The following BMPR2 variants were observed in gnomAD, a reference collection of about 807,000 sequenced individuals.
BMPR2 encodes bone morphogenetic protein receptor type-2.
In BMPR2, 29 loss-of-function variants were observed where a neutral mutation model predicts 100.8. The observed-to-expected ratio is 0.29, with a 90% CI of 0.21 to 0.39. The LOEUF (loss-of-function observed/expected upper bound fraction) is 0.39. Among genes scored for constraint, BMPR2 ranks in the 10% least tolerant of loss-of-function variants. BMPR2 has a pLI of 1.00. For synonymous variants in BMPR2, 382 were observed against 442.3 expected (o/e 0.86, Z 1.71); for missense variants, 1,011 against 1,274.5 (o/e 0.79, Z 3.15).
chr2:202,495,981 T>A lies in BMPR2; in HGVS notation c.419-17738T>A, dbSNP rs1407441300. 6.6e-6 allele frequency among the ~76,000 whole-genome samples: 1 copy of A among 152,202 alleles called. No homozygotes were observed. The highest frequency in any genetic ancestry group is 1.5e-5 in the Non-Finnish European group (1 of 68,032). ...GATCACTTATTTTTATTTTATAGTTTAATGTATTTTAGTAACAAACAGGAA... is the reference window on the plus strand; with the variant it reads ...GATCACTTATTTTTATTTTATAGTTAAATGTATTTTAGTAACAAACAGGAA... On this transcript the variant is annotated intron_variant, in intron 3 of 12. Transcript: ENST00000374580. This position sits in a 1 kb window ranked among gnomAD's most constrained non-coding sequence, Gnocchi z 4.5.
intron 3 of BMPR2, among the ~76,000 whole-genome samples, chr2:202,492,281 T>C (rs1692917778): frequency 1.3e-5 from 2 of 152,136 alleles, no homozygotes; most frequent in Admixed American, 6.5e-5. Context: ...AAGTGTTTGC[T>C]TCATCATGAT....
intron 7 of BMPR2, among the ~76,000 whole-genome samples, chr2:202,528,198 T>G (rs551247984): frequency 1.4e-4 from 21 of 152,270 alleles, no homozygotes; most frequent in Non-Finnish European, 1.8e-4. Flanking sequence ...ATTTATTTAT[T>G]TACTTTTGAG....
intron 3 of BMPR2, among the ~76,000 whole-genome samples, chr2:202,481,616 T>C (rs1428129240): frequency 1.3e-5 from 2 of 152,250 alleles, no homozygotes; most frequent in Non-Finnish European, 1.5e-5. Flanking sequence ...ATATTAACAA[T>C]AGAAAGTCTC....
At position 202,556,310 on chromosome 2, in the gene BMPR2, G is replaced by A. The variant is rs777302843; in HGVS notation, c.2645G>A (p.Gly882Asp). Residue 882 changes from glycine (G) to aspartate (D), a missense_variant, in exon 12 of 13, where the codon GGT (glycine) becomes GAT (aspartate). By Grantham distance (94) the Gly-to-Asp change is moderately conservative. Around this residue, in one of 6 missense-constraint regions of BMPR2, gnomAD observed 508 missense variants for 552.0 expected, o/e 0.92. Transcript: ENST00000374580. The part of the protein sequence containing the change: ...RREQQAGHDE[G>D]VLDRLVDRRE... ...GAGCAACAAGCTGGCCATGATGAAG[G>A]TGTTCTGGATCGTCTTGTGGACAGG... is the stretch of plus-strand genomic sequence containing the variant. The A allele has an allele frequency of 3.8e-5, 62 of 1,614,228 alleles. 2 individuals are homozygous for A. The South Asian group carries it at 6.6e-4, about 17-fold the overall frequency.
rs558408038 is a variant in BMPR2, at chr2:202,434,250, A to G, written c.77-30559A>G. The stretch of plus-strand genomic sequence containing the variant: ...TTGAAAAAATTAAAACAGATGAAAC[A>G]TGTCTTTACCAATATATCCTGAAGA... On this transcript the variant is annotated intron_variant, in intron 1 of 12. Transcript: ENST00000374580. Among the ~76,000 whole-genome samples, 4 of 150,576 alleles carry G rather than the reference A, an allele frequency of 2.7e-5. No individual in the cohort carries two copies. The East Asian group carries it at 7.7e-4, about 29-fold the overall frequency.
At chr2:202,539,490 C>G (rs1254018597) in intron 9 of BMPR2, among the ~76,000 whole-genome samples, 1 of 151,800 alleles carries the variant, frequency 6.6e-6, no homozygotes, top group East Asian at 1.9e-4. Context: ...ATTAATAAAC[C>G]TAGAGAATAG....
chr2:202,504,328 G>C (rs13430577), intron 3 of BMPR2, among the ~76,000 whole-genome samples: 21,916 of 151,948 alleles, frequency 0.14, 1,684 homozygotes, highest in South Asian at 0.25. Flanking sequence ...CCCCGCAAAG[G>C]TCTGCAGCTT....
chr2:202,530,380 A>G (rs747459917), intron 7 of BMPR2, among the ~76,000 whole-genome samples: 6 of 152,144 alleles, frequency 3.9e-5, no homozygotes, highest in Non-Finnish European at 7.3e-5. Context: ...GCCATAGGAG[A>G]GCAGTTTAAG....
intron 3 of BMPR2, among the ~76,000 whole-genome samples, chr2:202,487,495 A>G (rs898861547): frequency 2.0e-5 from 3 of 152,264 alleles, no homozygotes; most frequent in Admixed American, 1.3e-4. Context: ...TAAAAAATCA[A>G]TAAGATAAAA....
intron 9 of BMPR2, among the ~76,000 whole-genome samples, chr2:202,541,514 G>T (rs1351684119): frequency 6.6e-6 from 1 of 151,978 alleles, no homozygotes; most frequent in African/African-American, 2.4e-5. Flanking sequence ...ATACAGTCTG[G>T]CTGGACTATA....
At chr2:202,484,412 C>T (rs577538023) in intron 3 of BMPR2, among the ~76,000 whole-genome samples, 3 of 145,786 alleles carry the variant, frequency 2.1e-5, no homozygotes, top group African/African-American at 4.9e-5. Flanking sequence ...CGGTGGCTTA[C>T]GCCTGTAATC....
chr2:202,427,238 A>C lies in BMPR2; in HGVS notation c.77-37571A>C, dbSNP rs571984174. ...TGCCAAGTGGTGATGTGTGCCTGGT[A>C]CTTCCCAGCTACTCAGGAAGCTGAG... On this transcript the variant is annotated intron_variant, in intron 1 of 12. Coordinates refer to ENST00000374580, the MANE Select transcript of BMPR2 (RefSeq NM_001204.7). 5.9e-5 allele frequency among the ~76,000 whole-genome samples: 9 copies of C among 151,728 alleles called. No homozygotes were observed. The South Asian group carries it at 1.9e-3, about 32-fold the overall frequency.
At chr2:202,536,959 G>A (rs1016202914) in intron 9 of BMPR2, among the ~76,000 whole-genome samples, 1 of 151,962 alleles carries the variant, frequency 6.6e-6, no homozygotes, top group African/African-American at 2.4e-5. Flanking sequence ...GTGCAGTAGT[G>A]CAATCATAGC....
intron 3 of BMPR2, among the ~76,000 whole-genome samples, chr2:202,513,518 A>G (rs72925098): frequency 1.5e-3 from 227 of 152,358 alleles, no homozygotes; most frequent in Non-Finnish European, 2.5e-3. Flanking sequence ...TTCCAAATCT[A>G]TACAGAATAG....
In BMPR2 at chr2:202,435,376, C is replaced by CATATATATATATATATAT. The variant is rs141854934; in HGVS notation, c.77-29418_77-29401dup. Reference sequence around the variant, plus strand: ...CAGATCCTGTCTCAAAAAAAAAATACATATATATATATATATATATATATA... The same window carrying CATATATATATATATATAT: ...CAGATCCTGTCTCAAAAAAAAAATACATATATATATATATATATATATATATATATATATATATATATA... On this transcript the variant is annotated intron_variant, in intron 1 of 12. Transcript: ENST00000374580. 1.5e-3 allele frequency among the ~76,000 whole-genome samples: 157 copies of CATATATATATATATATAT among 103,402 alleles called. 1 individual carries two copies. Among genetic ancestry groups the CATATATATATATATATAT allele is most frequent in the Non-Finnish European group, 1.9e-3 (103 of 54,822 alleles). The allele number at this position is 103,402 out of a possible 152,430, so 67.8% of individuals were successfully genotyped here.
At chr2:202,461,505 G>C (rs1692224310) in intron 1 of BMPR2, among the ~76,000 whole-genome samples, 1 of 152,082 alleles carries the variant, frequency 6.6e-6, no homozygotes, top group Admixed American at 6.6e-5. Context: ...ACAATACTTA[G>C]ATACATGCTA....
intron 1 of BMPR2, among the ~76,000 whole-genome samples, chr2:202,412,454 G>A (rs1691032867): frequency 6.6e-6 from 1 of 152,084 alleles, no homozygotes; most frequent in Admixed American, 6.6e-5. Context: ...GAGTAGCTGG[G>A]ACTACAGGTG....
intron 1 of BMPR2, among the ~76,000 whole-genome samples, chr2:202,448,463 T>TAA (rs1326837701): frequency 1.5e-4 from 21 of 139,140 alleles, no homozygotes; most frequent in South Asian, 2.4e-4. Flanking sequence ...AAAATAAAAA[T>TAA]AAAAAATAAA....
chr2:202,476,947 CAA>C (rs35516927), intron 3 of BMPR2, among the ~76,000 whole-genome samples: 201 of 121,270 alleles, frequency 1.7e-3, no homozygotes, highest in Non-Finnish European at 2.8e-3. Context: ...AATCAACTGC[CAA>C]AAAAAAAAAA....
Sources: gnomAD v4.1 joint callset for allele counts (sites outside exome capture counted in the v4.1 genomes callset) on GRCh38, gnomAD v4.1.1 for gene constraint, gnomAD v4.1.1 regional missense constraint, Gnocchi (gnomAD v3.1) non-coding constraint, MANE v1.5 for transcripts, NCBI Gene and HGNC (gene_info 2026-07-23, HGNC 2026-07-21) for gene names.